The following F12 variants were observed in gnomAD, a reference collection of about 807,000 sequenced individuals.
The protein encoded by F12 is Hageman factor.
A neutral mutation model predicts 74.8 loss-of-function variants in F12; 70 were observed. The observed-to-expected ratio is 0.94, with a 90% CI of 0.77 to 1.14. The LOEUF is 1.14. Among genes scored for constraint, F12 ranks in the 50% most tolerant of loss-of-function variants. F12 has a pLI of 0.00. For synonymous variants in F12, 373 were observed against 356.4 expected (o/e 1.05, Z -0.52); for missense variants, 811 against 835.7 (o/e 0.97, Z 0.36).
chr5:177,406,143 G>T, intron 2 of F12, 82 bp from the exon 3 acceptor site: 6 of 1,293,952 alleles, frequency 4.6e-6, no homozygotes, highest in Non-Finnish European at 5.6e-6. Flanking sequence ...GTCAGGAAAA[G>T]GACAGACCCT....
intron 2 of F12, among the ~76,000 whole-genome samples, chr5:177,406,389 C>T (rs550436833): frequency 3.0e-4 from 45 of 151,850 alleles, no homozygotes; most frequent in Non-Finnish European, 4.4e-4. Flanking sequence ...CTCGGGAGGC[C>T]GAGGCAGGAG....
At position 177,403,602 on chromosome 5, in the gene F12, A is replaced by C. The variant is rs1763199554; in HGVS notation, c.1266T>G (p.Asp422Glu). The part of the protein sequence containing the change: ...HCLQDRPAPE[D>E]LTVVLGQERR... ...GTTCCTGGCCGAGCACCACCGTCAG[A>C]TCCTCGGGTGCGGGCCTGCGGGGGG... The change falls in exon 11 of 14, where the codon GAT (aspartate) becomes GAG (glutamate). Residue 422 changes from aspartate (D) to glutamate (E), a missense_variant. Transcript: ENST00000253496. 1.9e-6 allele frequency: 3 copies of C among 1,605,536 alleles called. No individual in the cohort carries two copies. Among genetic ancestry groups the C allele is most frequent in the Non-Finnish European group, 2.5e-6 (3 of 1,179,274 alleles).
chr5:177,407,473 T>C (rs2127361852), intron 2 of F12, among the ~76,000 whole-genome samples: 1 of 152,164 alleles, frequency 6.6e-6, no homozygotes, highest in African/African-American at 2.4e-5. Flanking sequence ...TGGAAATGGA[T>C]CTGAGATGGA....
At position 177,405,230 on chromosome 5, in the gene F12, T is replaced by C. The variant is rs1763262338; in HGVS notation, c.398-45A>G. The C allele has an allele frequency of 1.9e-6, 3 of 1,613,344 alleles. No homozygotes were observed. The African/African-American group carries it at 4.0e-5, about 22-fold the overall frequency. The stretch of plus-strand genomic sequence containing the variant: ...GTGGTCTCAGGAGAGTCTAGGACCA[T>C]GCCAAGTCTCCGAGTATCCAGCAAC... On this transcript the variant is annotated intron_variant, in intron 5 of 13. Transcript: ENST00000253496.
Position 177,403,279 on chromosome 5 carries a change from C to A in F12, c.1506G>T (p.Val502=), listed in dbSNP as rs765075632. The A allele has an allele frequency of 1.2e-5, 19 of 1,600,534 alleles. No homozygotes were observed. The South Asian group carries it at 1.8e-4, about 15-fold the overall frequency. ...CCTCGAACTGGTGGCCCCAGCCGGCCACCTGGCAGAGCGTGGTCTCGGAGG... is the reference window on the plus strand; with the variant it reads ...CCTCGAACTGGTGGCCCCAGCCGGCAACCTGGCAGAGCGTGGTCTCGGAGG... ...ARPSETTLCQ[V]AGWGHQFEGA... Residue 502 remains valine (V), a synonymous_variant, in exon 12 of 14, where the codon GTG becomes GTT. Transcript: ENST00000253496.
In F12 at chr5:177,409,461, C is replaced by G; in HGVS notation, c.57+10G>C. 1.2e-6 allele frequency: 2 copies of G among 1,613,992 alleles called. No homozygotes were observed. Among genetic ancestry groups the G allele is most frequent in the Non-Finnish European group, 1.7e-6 (2 of 1,179,948 alleles). ...AATCCTGGGACAATCCTGGTTCCCA[C>G]AGCACTCACCGAAAGTGTTGACTCC... On this transcript the variant is annotated intron_variant, in intron 1 of 13. Coordinates refer to ENST00000253496, the MANE Select transcript of F12 (RefSeq NM_000505.4).
Position 177,407,022 on chromosome 5 carries a change from G to A in F12, c.116-961C>T, listed in dbSNP as rs564504373. Among the ~76,000 whole-genome samples, 20 of 152,328 alleles carry A rather than the reference G, an allele frequency of 1.3e-4. No homozygotes were observed. The South Asian group carries it at 4.1e-3, about 32-fold the overall frequency. On this transcript the variant is annotated intron_variant, in intron 2 of 13. Transcript: ENST00000253496. ...CCTCTGAGCCTCCTGCTGAAGAGCTGTGTAGTTCCTAAGCACAAGAAGGCT... is the reference window on the plus strand; with the variant it reads ...CCTCTGAGCCTCCTGCTGAAGAGCTATGTAGTTCCTAAGCACAAGAAGGCT...
Position 177,402,532 on chromosome 5 carries a change from A to G in F12, c.1680+18T>C, listed in dbSNP as rs774608410. ...CTGACGGCCTCGGGGAAGGGCGCCA[A>G]CCGGGCTAAGAGCTCACCTGGCACG... is the stretch of plus-strand genomic sequence containing the variant. On this transcript the variant is annotated intron_variant, in intron 13 of 13. Transcript: ENST00000253496. The G allele has an allele frequency of 1.2e-6, 2 of 1,607,706 alleles. No homozygotes were observed. Among genetic ancestry groups the G allele is most frequent in the Non-Finnish European group, 1.7e-6 (2 of 1,177,588 alleles).
chr5:177,402,762 A>G lies in F12; in HGVS notation c.1532-64T>C. 29 of 1,592,226 alleles carry G rather than the reference A, an allele frequency of 1.8e-5. No individual in the cohort carries two copies. The South Asian group carries it at 2.9e-4, about 16-fold the overall frequency. Reference sequence around the variant, plus strand: ...AACGCTTGCCGCCCGGACGATGGACAAAGCTGCTCCAGGCGCTTGTAAACC... The same window carrying G: ...AACGCTTGCCGCCCGGACGATGGACGAAGCTGCTCCAGGCGCTTGTAAACC... On this transcript the variant is annotated intron_variant, in intron 12 of 13. Coordinates refer to ENST00000253496, the MANE Select transcript of F12 (RefSeq NM_000505.4).
chr5:177,409,463 G>T lies in F12; in HGVS notation c.57+8C>A. The T allele has an allele frequency of 6.2e-7, 1 of 1,613,880 alleles. No individual in the cohort carries two copies. On this transcript the variant is annotated splice_region_variant and intron_variant, in intron 1 of 13. Coordinates refer to ENST00000253496, the MANE Select transcript of F12 (RefSeq NM_000505.4). ...TCCTGGGACAATCCTGGTTCCCACA[G>T]CACTCACCGAAAGTGTTGACTCCAA...
At chr5:177,405,529 T>C (rs566196421) in intron 4 of F12, 96 bp from the exon 5 acceptor site, 1 of 1,380,622 alleles carries the variant, frequency 7.2e-7, no homozygotes, top group Non-Finnish European at 1.0e-6. Context: ...GTGACCTTGC[T>C]ACTCCAAGTT....
chr5:177,407,565 A>T (rs1763320617), intron 2 of F12, among the ~76,000 whole-genome samples: 1 of 152,154 alleles, frequency 6.6e-6, no homozygotes. Context: ...TGGGCGGACC[A>T]CCTGAGGGCA....
rs771957037 is a variant in F12 at position 177,403,917 on chromosome 5, C to T, written c.1192G>A (p.Ala398Thr). ...AALYWGHSFC[A>T]GSLIAPCWVL... is the part of the protein sequence containing the mutation. Reference sequence around the variant, plus strand: ...CAGCAGGGGGCGATGAGGCTGCCGGCGCAGAAACTGTGGCCCCAGTACAGC... The same window carrying T: ...CAGCAGGGGGCGATGAGGCTGCCGGTGCAGAAACTGTGGCCCCAGTACAGC... The change falls in exon 10 of 14, where the codon GCC becomes ACC. Residue 398 changes from alanine (A) to threonine (T), a missense_variant. Coordinates refer to ENST00000253496, the MANE Select transcript of F12 (RefSeq NM_000505.4). 14 of 1,590,832 alleles carry T rather than the reference C, an allele frequency of 8.8e-6. No individual in the cohort carries two copies. Among genetic ancestry groups the T allele is most frequent in the Non-Finnish European group, 1.2e-5 (14 of 1,172,258 alleles).
Position 177,409,098 on chromosome 5 carries a change from T to A in F12, c.63A>T (p.Pro21=). The change falls in exon 2 of 14, where the codon CCA becomes CCT. Residue 21 remains proline, a synonymous_variant. Coordinates refer to ENST00000253496, the MANE Select transcript of F12 (RefSeq NM_000505.4). The part of the protein sequence containing the change: ...LVSLESTLSI[P]PWEAPKEHKY... ...TATGCTCCTTGGGGGCTTCCCAAGG[T>A]GGAATCTACAAGGGAGAGAAGAAGG... 3 of 1,551,622 alleles carry A rather than the reference T, an allele frequency of 1.9e-6. No homozygotes were observed. The highest frequency in any genetic ancestry group is 2.6e-6 in the Non-Finnish European group (3 of 1,146,982).
In F12 at chr5:177,409,116, G is replaced by A; in HGVS notation, c.58-13C>T. ...CCCAAGGTGGAATCTACAAGGGAGA[G>A]AAGAAGGCAGGGAACTGACTATAAG... On this transcript the variant is annotated splice_polypyrimidine_tract_variant and intron_variant, in intron 1 of 13. Coordinates refer to ENST00000253496, the MANE Select transcript of F12 (RefSeq NM_000505.4). The A allele has an allele frequency of 2.6e-6, 4 of 1,551,518 alleles. No individual in the cohort carries two copies. Among genetic ancestry groups the A allele is most frequent in the East Asian group, 2.4e-5 (1 of 40,930 alleles).
Position 177,404,245 on chromosome 5 carries a change from C to A in F12, c.969G>T (p.Pro323=). Reference sequence around the variant, plus strand: ...GGGTCCGGGTCGTGGGCTGAGGCTTCGGCGGTGCCGGCTGCGCGGGCATGA... The same window carrying A: ...GGGTCCGGGTCGTGGGCTGAGGCTTAGGCGGTGCCGGCTGCGCGGGCATGA... ...VPLMPAQPAP[P]KPQPTTRTPP... is the part of the protein sequence containing the mutation. The change falls in exon 9 of 14, where the codon CCG becomes CCT. Residue 323 remains proline, a synonymous_variant. Transcript: ENST00000253496. 6.3e-7 allele frequency: 1 copy of A among 1,597,220 alleles called. No individual in the cohort carries two copies. The highest frequency in any genetic ancestry group is 8.5e-7 in the Non-Finnish European group (1 of 1,170,666).
chr5:177,407,327 G>A (rs923081196), intron 2 of F12, among the ~76,000 whole-genome samples: 20 of 152,176 alleles, frequency 1.3e-4, no homozygotes, highest in African/African-American at 3.4e-4. Flanking sequence ...AGGAATTGTC[G>A]TGGGGCTTCA....
At chr5:177,407,560 G>A (rs541996550) in intron 2 of F12, among the ~76,000 whole-genome samples, 53 of 152,208 alleles carry the variant, frequency 3.5e-4, no homozygotes, top group African/African-American at 9.6e-4. Flanking sequence ...TAAGGTGGGC[G>A]GACCACCTGA....
chr5:177,402,776 C>T, intron 12 of F12, 78 bp from the exon 13 acceptor site: 2 of 1,572,662 alleles, frequency 1.3e-6, no homozygotes, highest in Non-Finnish European at 1.7e-6. Context: ...CTGCTCCAGG[C>T]GCTTGTAAAC....
Sources: allele counts gnomAD v4.1 joint callset (sites outside exome capture counted in the v4.1 genomes callset), GRCh38; gene constraint gnomAD v4.1.1; transcripts MANE v1.5; gene names NCBI Gene and HGNC (gene_info 2026-07-23, HGNC 2026-07-21).